SYNE1: variants seen among roughly 807,000 people sequenced by gnomAD.
SYNE1 encodes nesprin-1.
A neutral mutation model predicts 1,111.0 loss-of-function variants in SYNE1; 616 were observed. That is an observed-to-expected ratio of 0.55 (90% confidence interval 0.52 to 0.59). The LOEUF is 0.59. Among genes scored for constraint, SYNE1 ranks in the 20% least tolerant of loss-of-function variants. The pLI, the probability that SYNE1 is intolerant of heterozygous loss-of-function variation, is 0.00. For missense variants in SYNE1, 10,006 were observed against 10,417.0 expected, an observed-to-expected ratio of 0.96 and a Z score of 1.72; for synonymous variants, 3,855 against 3,825.8, an observed-to-expected ratio of 1.01 and a Z score of -0.28.
chr6:152,351,571 C>T (rs1269148309), intron 70 of SYNE1, among the ~76,000 whole-genome samples: 1 of 152,136 alleles, frequency 6.6e-6, no homozygotes, highest in Non-Finnish European at 1.5e-5. Context: ...GAACTTAGCT[C>T]GAGTTTGTTA....
chr6:152,196,824 A>G (rs1445978339), intron 127 of SYNE1, among the ~76,000 whole-genome samples: 3 of 152,072 alleles, frequency 2.0e-5, no homozygotes, highest in Non-Finnish European at 4.4e-5. Flanking sequence ...CACTGGCTCC[A>G]AGCCCAGTAC....
rs753480511 is a variant in SYNE1, at chr6:152,347,214, C to T, written c.11923G>A (p.Gly3975Ser). 6.2e-7 allele frequency: 1 copy of T among 1,614,188 alleles called. No homozygotes were observed. The highest frequency in any genetic ancestry group is 1.1e-5 in the South Asian group (1 of 91,080). ...AGATTGTTCAAACGGTCTTCAAAACCAGCAATTTCTTCCATCATTGCCTGC... is the reference window on the plus strand; with the variant it reads ...AGATTGTTCAAACGGTCTTCAAAACTAGCAATTTCTTCCATCATTGCCTGC... ...HHKAMMEEIA[G>S]FEDRLNNLQM... Residue 3975 changes from glycine to serine, a missense_variant, in exon 73 of 146, where the codon GGT becomes AGT. This residue lies in a region of SYNE1 where 4,955 missense variants were observed against 5,017.2 expected (regional missense o/e 0.99). Transcript: ENST00000367255.
chr6:152,590,140 A>C, intron 3 of SYNE1, among the ~76,000 whole-genome samples: 1 of 150,666 alleles, frequency 6.6e-6, no homozygotes, highest in African/African-American at 2.4e-5. Flanking sequence ...TAGAGATGGG[A>C]TCTCACTCTG....
chr6:152,565,958 C>G (rs1031606289), intron 3 of SYNE1, among the ~76,000 whole-genome samples: 12 of 152,186 alleles, frequency 7.9e-5, no homozygotes, highest in African/African-American at 2.7e-4. Flanking sequence ...AAAGCACTGA[C>G]TACATACATG....
chr6:152,218,766 G>C (rs2079359111), intron 120 of SYNE1, among the ~76,000 whole-genome samples: 1 of 152,174 alleles, frequency 6.6e-6, no homozygotes, highest in African/African-American at 2.4e-5. Flanking sequence ...AGGCCATGGT[G>C]GCAGGCATTG....
intron 104 of SYNE1, among the ~76,000 whole-genome samples, chr6:152,250,079 A>G (rs949756804): frequency 2.6e-5 from 4 of 151,956 alleles, no homozygotes; most frequent in African/African-American, 9.7e-5. Flanking sequence ...CCGGGGCAAC[A>G]CAGTGCACCC....
In SYNE1 at chr6:152,300,765, C is replaced by G. The variant is rs2095125249; in HGVS notation, c.17558G>C (p.Cys5853Ser). 1 of 1,614,092 alleles carries G rather than the reference C, an allele frequency of 6.2e-7. No individual in the cohort carries two copies. Among genetic ancestry groups the G allele is most frequent in the African/African-American group, 1.3e-5 (1 of 74,930 alleles). ...PSVVMMTAGR[C>S]HTLLSPVTEE... Reference sequence around the variant, plus strand: ...AGTGACCGGTGACAGCAAAGTGTGACAGCGACCTGCAGTCATCTGCCACGT... The same window carrying G: ...AGTGACCGGTGACAGCAAAGTGTGAGAGCGACCTGCAGTCATCTGCCACGT... Residue 5853 changes from cysteine to serine, a missense_variant, in exon 93 of 146, where the codon TGT becomes TCT. Cys to Ser is a moderately radical substitution (Grantham distance 112). Around this residue, in one of 7 missense-constraint regions of SYNE1, gnomAD observed 4,955 missense variants for 5,017.2 expected, o/e 0.99. Coordinates refer to ENST00000367255, the MANE Select transcript of SYNE1 (RefSeq NM_182961.4).
chr6:152,444,728 A>G (rs2098561786), intron 29 of SYNE1, 150 bp from the exon 30 acceptor site: 22 of 727,560 alleles, frequency 3.0e-5, no homozygotes, highest in Non-Finnish European at 1.5e-5. Flanking sequence ...ACATCAGGCT[A>G]ATTAGCCTGT....
chr6:152,619,485 G>GT (rs57323706), intron 3 of SYNE1, among the ~76,000 whole-genome samples: 108,078 of 151,928 alleles, frequency 0.71, 38,509 homozygotes, highest in East Asian at 0.81. Flanking sequence ...AGACAATCCA[G>GT]CACCTGTAGT....
At position 152,353,735 on chromosome 6, in the gene SYNE1, C is replaced by T. The variant is rs773858272; in HGVS notation, c.10936G>A (p.Glu3646Lys). The change falls in exon 68 of 146, where the codon GAA becomes AAA. Residue 3646 changes from glutamate (E) to lysine (K), a missense_variant. Physicochemically the swap from Glu to Lys is moderately conservative, Grantham distance 56 (BLOSUM62 1). Transcript: ENST00000367255. ...IQLHQMKKWHEEVTAYRDEVE... is the reference protein window; with the variant it reads ...IQLHQMKKWHKEVTAYRDEVE... ...TCATCTCTGTATGCAGTCACTTCTT[C>T]GTGCCACTTCTGAAATGACAAAGTA... The T allele has an allele frequency of 1.7e-5, 28 of 1,613,896 alleles. No individual in the cohort carries two copies. In the Middle Eastern group the frequency reaches 6.6e-4, roughly 38 times the overall value.
Position 152,350,693 on chromosome 6 carries a change from C to T in SYNE1, c.11658G>A (p.Leu3886=). 6.2e-7 allele frequency: 1 copy of T among 1,614,052 alleles called. No individual in the cohort carries two copies. Among genetic ancestry groups the T allele is most frequent in the Non-Finnish European group, 8.5e-7 (1 of 1,180,014 alleles). Residue 3886 remains leucine, a synonymous_variant, in exon 71 of 146, where the codon CTG becomes CTA. Coordinates refer to ENST00000367255, the MANE Select transcript of SYNE1 (RefSeq NM_182961.4). ...VREKGEALLE[L]VQDVTLKDKI... Reference sequence around the variant, plus strand: ...TGTCCTTTAAAGTGACGTCCTGCACCAGTTCCAAAAGAGCTTCACCCTTCT... The same window carrying T: ...TGTCCTTTAAAGTGACGTCCTGCACTAGTTCCAAAAGAGCTTCACCCTTCT...
Position 152,330,661 on chromosome 6 carries a change from T to C in SYNE1, c.14024A>G (p.Glu4675Gly). 1 of 1,613,882 alleles carries C rather than the reference T, an allele frequency of 6.2e-7. No homozygotes were observed. Among genetic ancestry groups the C allele is most frequent in the Non-Finnish European group, 8.5e-7 (1 of 1,180,010 alleles). Reference protein sequence around the residue: ...KVQEAILARKEYASLIELTTQ... With the variant: ...KVQEAILARKGYASLIELTTQ... ...TGTCAACTCAATCAAGGAAGCATATTCCTTCCGAGCAAGAATTGCTTCCTG... is the reference window on the plus strand; with the variant it reads ...TGTCAACTCAATCAAGGAAGCATATCCCTTCCGAGCAAGAATTGCTTCCTG... The change falls in exon 78 of 146, where the codon GAA becomes GGA. Residue 4675 changes from glutamate to glycine, a missense_variant. By Grantham distance (98) the Glu-to-Gly change is moderately conservative. Transcript: ENST00000367255.
intron 63 of SYNE1, among the ~76,000 whole-genome samples, chr6:152,363,084 T>G (rs2096963581): frequency 6.6e-6 from 1 of 151,472 alleles, no homozygotes; most frequent in African/African-American, 2.4e-5. Flanking sequence ...GGTTTCACTG[T>G]GTTAGCCAGG....
rs1421062708 is a variant in SYNE1, at chr6:152,371,916, AG to A, written c.9507+1120del. On this transcript the variant is annotated intron_variant, in intron 59 of 145. Coordinates refer to ENST00000367255, the MANE Select transcript of SYNE1 (RefSeq NM_182961.4). ...AGGAAAGGAAAGGAAAGGAAAGGAA[AG>A]GAAAGGACAGGACAGGACAGGAAAG... 9.5e-4 allele frequency among the ~76,000 whole-genome samples: 62 copies of A among 65,480 alleles called. 2 individuals carry two copies. The highest frequency in any genetic ancestry group is 2.7e-3 in the African/African-American group (59 of 21,470). 43.0% of individuals were successfully genotyped at this position (65,480 alleles called of 152,430 possible).
At chr6:152,254,136 G>A (rs1220020046) in intron 104 of SYNE1, among the ~76,000 whole-genome samples, 3 of 150,572 alleles carry the variant, frequency 2.0e-5, no homozygotes, top group Non-Finnish European at 3.0e-5. Context: ...GGAAAGTAAC[G>A]TAACACATTT....
At chr6:152,586,942 C>T in intron 3 of SYNE1, among the ~76,000 whole-genome samples, 1 of 152,142 alleles carries the variant, frequency 6.6e-6, no homozygotes, top group East Asian at 1.9e-4. Flanking sequence ...AGCCCTGATT[C>T]TCTGATGTTC....
chr6:152,398,762 T>TA, intron 48 of SYNE1, 31 bp from the exon 49 acceptor site: 1 of 1,564,510 alleles, frequency 6.4e-7, no homozygotes, highest in South Asian at 1.1e-5. Flanking sequence ...TAAATAAAAA[T>TA]AAAAAATCAG....
rs1257502472 is a variant in SYNE1, at chr6:152,233,852, G to A, written c.20641C>T (p.Leu6881=). 1 of 1,614,206 alleles carries A rather than the reference G, an allele frequency of 6.2e-7. No homozygotes were observed. Among genetic ancestry groups the A allele is most frequent in the African/African-American group, 1.3e-5 (1 of 75,060 alleles). Residue 6881 remains leucine, a synonymous_variant, in exon 112 of 146, where the codon CTG becomes TTG. Coordinates refer to ENST00000367255, the MANE Select transcript of SYNE1 (RefSeq NM_182961.4). The part of the protein sequence containing the change: ...KVDTATLRSE[L]SRIDSQWTDL... ...GTCCACTGGCTATCAATGCGCGACA[G>A]CTCAGAGCGCAGCGTGGCTGTGTCC...
chr6:152,588,651 G>A (rs1462099243), intron 3 of SYNE1, among the ~76,000 whole-genome samples: 1 of 152,098 alleles, frequency 6.6e-6, no homozygotes, highest in Non-Finnish European at 1.5e-5. Context: ...AGACTTGCCA[G>A]AGGAGCTCTT....
Sources: allele counts gnomAD v4.1 joint callset (sites outside exome capture counted in the v4.1 genomes callset), GRCh38; gene constraint gnomAD v4.1.1; regional missense constraint gnomAD v4.1.1; transcripts MANE v1.5; gene names NCBI Gene and HGNC (gene_info 2026-07-23, HGNC 2026-07-21).